OCA2: variants seen among roughly 807,000 people sequenced by gnomAD.
OCA2 encodes the protein OCA2 melanosomal transmembrane protein.
A neutral mutation model predicts 100.2 loss-of-function variants in OCA2; 77 were observed. That is an observed-to-expected ratio of 0.77 (90% CI 0.64 to 0.93). The LOEUF (loss-of-function observed/expected upper bound fraction) is 0.93. OCA2 is among the 40% of genes least tolerant of loss of function. The pLI, the probability that OCA2 is intolerant of heterozygous loss-of-function variation, is 0.00. For synonymous variants in OCA2, 432 were observed against 439.2 expected (o/e 0.98, Z 0.21); for missense variants, 1,062 against 1,089.1 (o/e 0.98, Z 0.35).
chr15:28,016,140 T>C lies in OCA2; in HGVS notation c.854A>G (p.His285Arg), dbSNP rs1436294624. 1.2e-6 allele frequency: 2 copies of C among 1,614,050 alleles called. No homozygotes were observed. Among genetic ancestry groups the C allele is most frequent in the East Asian group, 2.2e-5 (1 of 44,884 alleles). Reference protein sequence around the residue: ...TVYLNPRRSEHSVMSRTFEVL... With the variant: ...TVYLNPRRSERSVMSRTFEVL... ...CTCAAAGGTCCTGCTCATCACTGAGTGCTCGCTTCTCCTCGGATTTAAATA... is the reference window on the plus strand; with the variant it reads ...CTCAAAGGTCCTGCTCATCACTGAGCGCTCGCTTCTCCTCGGATTTAAATA... The change falls in exon 8 of 24, where the codon CAC becomes CGC. Residue 285 changes from histidine (H) to arginine (R), a missense_variant. Physicochemically the swap from His to Arg is conservative, Grantham distance 29. Transcript: ENST00000354638.
At position 27,956,661 on chromosome 15, in the gene OCA2, C is replaced by T. The variant is rs112715217; in HGVS notation, c.1784+927G>A. On this transcript the variant is annotated intron_variant, in intron 16 of 23. Transcript: ENST00000354638. ...CAAAGTTGGTCATTCTTTCCCCAGCCTGTAACTCAGGGCCTCCCTGTGGCC... is the reference window on the plus strand; with the variant it reads ...CAAAGTTGGTCATTCTTTCCCCAGCTTGTAACTCAGGGCCTCCCTGTGGCC... Among the ~76,000 whole-genome samples, 1,307 of 152,342 alleles carry T rather than the reference C, an allele frequency of 8.6e-3. 25 individuals are homozygous for T. The highest frequency in any genetic ancestry group is 0.029 in the African/African-American group (1,220 of 41,576).
At chr15:27,924,104 T>C (rs554918047) in intron 19 of OCA2, among the ~76,000 whole-genome samples, 2 of 152,314 alleles carry the variant, frequency 1.3e-5, no homozygotes, top group African/African-American at 4.8e-5. Flanking sequence ...GCACCATTTA[T>C]TGAGTAGAGA....
intron 23 of OCA2, among the ~76,000 whole-genome samples, chr15:27,786,768 C>G (rs1353988749): frequency 6.6e-6 from 1 of 152,114 alleles, no homozygotes; most frequent in East Asian, 1.9e-4. Context: ...TTCTTCCTTT[C>G]CATAACTTTC....
At chr15:28,059,178 G>A (rs539630559) in intron 2 of OCA2, among the ~76,000 whole-genome samples, 1 of 152,226 alleles carries the variant, frequency 6.6e-6, no homozygotes, top group Admixed American at 6.5e-5. Context: ...GCCCACAAGA[G>A]AGCAGAAGAC....
intron 18 of OCA2, 22 bp from the exon 19 acceptor site, chr15:27,926,276 T>G (rs544164565): frequency 3.1e-6 from 5 of 1,613,516 alleles, no homozygotes; most frequent in South Asian, 2.2e-5. Context: ...TAAATAGACA[T>G]AGAGATATAG....
intron 1 of OCA2, among the ~76,000 whole-genome samples, chr15:28,092,870 A>C (rs976573107): frequency 6.6e-6 from 1 of 152,230 alleles, no homozygotes; most frequent in African/African-American, 2.4e-5. Context: ...CTATTAAAGA[A>C]CATCTGCAAA....
the OCA2 span, among the ~76,000 whole-genome samples, chr15:27,738,430 C>G: frequency 6.6e-6 from 1 of 152,322 alleles, no homozygotes; most frequent in Non-Finnish European, 1.5e-5. Context: ...CGATGCGCTT[C>G]CACTTATAAG....
rs192417126 is a variant in OCA2, at chr15:27,775,977, G to C, written c.2433-20505C>G. ...ATGGTTTAGTCCATAGCAATGTCCA[G>C]CACCAAAGTTTTGCCATGTGCCCTT... On this transcript the variant is annotated intron_variant, in intron 23 of 23. Coordinates refer to ENST00000354638, the MANE Select transcript of OCA2 (RefSeq NM_000275.3). Among the ~76,000 whole-genome samples the C allele has an allele frequency of 1.8e-3, 273 of 152,344 alleles. 1 individual carries two copies. The highest frequency in any genetic ancestry group is 6.2e-3 in the African/African-American group (258 of 41,586).
In OCA2 at chr15:27,845,387, CGT is replaced by C. The variant is rs543607778; in HGVS notation, c.2339-337_2339-336del. On this transcript the variant is annotated intron_variant, in intron 22 of 23. Coordinates refer to ENST00000354638, the MANE Select transcript of OCA2 (RefSeq NM_000275.3). ...TGGGGCCAACAACCAAAGCCCAGAA[CGT>C]GTGTCCCTCAGGAATGCAGTCTCAG... is the stretch of plus-strand genomic sequence containing the variant. Among the ~76,000 whole-genome samples, 119 of 152,254 alleles carry C rather than the reference CGT, an allele frequency of 7.8e-4. 1 individual carries two copies. Among genetic ancestry groups the C allele is most frequent in the Non-Finnish European group, 1.4e-3 (92 of 68,024 alleles).
intron 19 of OCA2, among the ~76,000 whole-genome samples, chr15:27,905,885 C>A (rs951991862): frequency 6.6e-6 from 1 of 152,296 alleles, no homozygotes; most frequent in East Asian, 1.9e-4. Context: ...AAACTACAAG[C>A]CCACACTTCA....
rs1566949281 is a variant in OCA2, at chr15:27,770,893, T to TCCTCCCTCC, written c.2433-15422_2433-15421insGGAGGGAGG. ...TCCCTCCTTCCTTTGCTCCTTCCCATCTCCTTTTCCTTCCTTCCCTCCTCC... is the reference window on the plus strand; with the variant it reads ...TCCCTCCTTCCTTTGCTCCTTCCCATCCTCCCTCCCTCCTTTTCCTTCCTTCCCTCCTCC... On this transcript the variant is annotated intron_variant, in intron 23 of 23. Transcript: ENST00000354638. Among the ~76,000 whole-genome samples the TCCTCCCTCC allele has an allele frequency of 1.1e-3, 42 of 39,834 alleles. 2 individuals carry two copies. Among genetic ancestry groups the TCCTCCCTCC allele is most frequent in the African/African-American group, 3.4e-3 (39 of 11,514 alleles). The allele number at this position is 39,834 out of a possible 152,430, so 26.1% of individuals were successfully genotyped here.
chr15:28,096,411 A>T (rs1364078153), intron 1 of OCA2, among the ~76,000 whole-genome samples: 1 of 152,166 alleles, frequency 6.6e-6, no homozygotes. Context: ...CGGTGTCCGC[A>T]GGAGCGATGC....
chr15:27,991,466 A>C (rs1420756157), intron 9 of OCA2, among the ~76,000 whole-genome samples: 1 of 152,226 alleles, frequency 6.6e-6, no homozygotes, highest in Non-Finnish European at 1.5e-5. Flanking sequence ...CTGGGGAAAG[A>C]AGCCAGACAC....
At chr15:27,828,193 T>C (rs1477548747) in intron 23 of OCA2, among the ~76,000 whole-genome samples, 1 of 152,122 alleles carries the variant, frequency 6.6e-6, no homozygotes, top group Non-Finnish European at 1.5e-5. Context: ...CCCACTCCAT[T>C]CCCGGCCTTC....
chr15:27,969,032 A>G (rs1488483455), intron 14 of OCA2, among the ~76,000 whole-genome samples: 1 of 151,958 alleles, frequency 6.6e-6, no homozygotes, highest in Admixed American at 6.6e-5. Context: ...AATGATTTAA[A>G]CTATAGTACT....
intron 13 of OCA2, 30 bp from the exon 14 acceptor site, chr15:27,983,513 T>C (rs999366518): frequency 3.1e-6 from 5 of 1,613,400 alleles, no homozygotes; most frequent in African/African-American, 1.3e-5. Context: ...ATGAAAGTAG[T>C]CCCACTATAC....
At chr15:27,758,702 G>A (rs569337984) in intron 23 of OCA2, among the ~76,000 whole-genome samples, 3 of 152,224 alleles carry the variant, frequency 2.0e-5, no homozygotes, top group Admixed American at 6.5e-5. Context: ...AAACTCTAAC[G>A]GAATGGGCAC....
chr15:27,810,277 A>T (rs2034022194), intron 23 of OCA2, among the ~76,000 whole-genome samples: 1 of 152,240 alleles, frequency 6.6e-6, no homozygotes, highest in African/African-American at 2.4e-5. Context: ...TATTTACTAA[A>T]TGGCATTGGG....
chr15:27,892,928 AACAACTTTACGCTC>A (rs2037524931), intron 19 of OCA2, among the ~76,000 whole-genome samples: 1 of 152,250 alleles, frequency 6.6e-6, no homozygotes. Context: ...GAATATTATC[AACAACTTTACGCTC>A]ACAAATTTGG....
Sources: gnomAD v4.1 joint callset for allele counts (sites outside exome capture counted in the v4.1 genomes callset) on GRCh38, gnomAD v4.1.1 for gene constraint, MANE v1.5 for transcripts, NCBI Gene and HGNC (gene_info 2026-07-23, HGNC 2026-07-21) for gene names.